ANGPT1: variants seen among roughly 807,000 people sequenced by gnomAD.
ANGPT1 encodes the protein angiopoietin-1.
In ANGPT1, 17 loss-of-function variants were observed where a neutral mutation model predicts 62.2. That is an observed-to-expected ratio of 0.27 (90% CI 0.19 to 0.41). The LOEUF is 0.41. ANGPT1 is among the 10% of genes least tolerant of loss of function. The pLI, the probability that ANGPT1 is intolerant of heterozygous loss-of-function variation, is 1.00. For missense variants in ANGPT1, 478 were observed against 594.9 expected, an observed-to-expected ratio of 0.80 and a Z score of 2.04; for synonymous variants, 199 against 198.9, an observed-to-expected ratio of 1.00 and a Z score of 0.00.
intron 2 of ANGPT1, among the ~76,000 whole-genome samples, chr8:107,344,691 G>A (rs576042758): frequency 2.0e-3 from 297 of 152,278 alleles, no homozygotes; most frequent in Non-Finnish European, 3.1e-3. Flanking sequence ...ATTGTCATGA[G>A]TTCCTGAAAT....
At chr8:107,431,707 A>C (rs1586316989) in intron 1 of ANGPT1, among the ~76,000 whole-genome samples, 1 of 146,716 alleles carries the variant, frequency 6.8e-6, no homozygotes, top group African/African-American at 2.5e-5. Context: ...CTACCTTCCT[A>C]CCAGATTTTC....
intron 8 of ANGPT1, among the ~76,000 whole-genome samples, chr8:107,252,486 C>T (rs968902149): frequency 6.6e-6 from 1 of 152,174 alleles, no homozygotes; most frequent in African/African-American, 2.4e-5. Context: ...GAAAGATATT[C>T]TCCATCTACT....
chr8:107,258,472 A>G (rs1813420272), intron 8 of ANGPT1, among the ~76,000 whole-genome samples: 1 of 152,206 alleles, frequency 6.6e-6, no homozygotes, highest in Admixed American at 6.5e-5. Flanking sequence ...ACTGAGTACA[A>G]TACAAAATTA....
intron 4 of ANGPT1, among the ~76,000 whole-genome samples, chr8:107,319,820 AG>A (rs1386595509): frequency 1.3e-5 from 2 of 152,114 alleles, no homozygotes; most frequent in Non-Finnish European, 2.9e-5. Flanking sequence ...GAGTTCTAAA[AG>A]TAACTAAATA....
chr8:107,370,596 A>G (rs900386143), intron 1 of ANGPT1, among the ~76,000 whole-genome samples: 1 of 150,120 alleles, frequency 6.7e-6, no homozygotes, highest in Non-Finnish European at 1.5e-5. Context: ...CCAGCTACTC[A>G]GGAGGCTGAG....
At chr8:107,400,071 A>T (rs1817015350) in intron 1 of ANGPT1, among the ~76,000 whole-genome samples, 2 of 152,198 alleles carry the variant, frequency 1.3e-5, no homozygotes, top group Admixed American at 1.3e-4. Context: ...ATTAAATACA[A>T]ACCAATTCTG....
chr8:107,461,434 T>C (rs1812068828), intron 1 of ANGPT1, among the ~76,000 whole-genome samples: 2 of 152,200 alleles, frequency 1.3e-5, no homozygotes. Flanking sequence ...GATTCGGTCC[T>C]ATCACATTTT....
intron 1 of ANGPT1, among the ~76,000 whole-genome samples, chr8:107,463,715 T>C (rs1490569618): frequency 6.6e-6 from 1 of 152,144 alleles, no homozygotes; most frequent in Non-Finnish European, 1.5e-5. Flanking sequence ...TCAATTCCCA[T>C]GTACAGCTGC....
intron 1 of ANGPT1, among the ~76,000 whole-genome samples, chr8:107,449,570 AGAAG>A (rs1272631344): frequency 3.3e-5 from 5 of 152,098 alleles, no homozygotes; most frequent in Non-Finnish European, 7.4e-5. Context: ...AAAATTGCAT[AGAAG>A]GAAGTATTTT....
intron 1 of ANGPT1, among the ~76,000 whole-genome samples, chr8:107,436,482 T>C (rs539579971): frequency 1.3e-5 from 2 of 152,342 alleles, no homozygotes; most frequent in African/African-American, 4.8e-5. Context: ...TCTCACGTTA[T>C]TCAAGCCCTC....
intron 1 of ANGPT1, among the ~76,000 whole-genome samples, chr8:107,477,502 C>A (rs189410500): frequency 2.0e-4 from 30 of 152,204 alleles, no homozygotes; most frequent in African/African-American, 7.2e-4. Context: ...GTTTTCACTA[C>A]GGCAATGTCA....
intron 5 of ANGPT1, 139 bp from the exon 6 acceptor site, chr8:107,294,176 T>G (rs1814353547): frequency 3.8e-6 from 2 of 523,680 alleles, no homozygotes. Flanking sequence ...CAATGTTAAT[T>G]TAGATATATT....
intron 2 of ANGPT1, among the ~76,000 whole-genome samples, chr8:107,343,412 G>A (rs1456446495): frequency 1.3e-5 from 2 of 152,174 alleles, no homozygotes; most frequent in Non-Finnish European, 2.9e-5. Flanking sequence ...CTGATGAAGA[G>A]CCCCTAGCCA....
At chr8:107,441,954 C>T (rs4734971) in intron 1 of ANGPT1, among the ~76,000 whole-genome samples, 10,086 of 152,018 alleles carry the variant, frequency 0.066, 446 homozygotes, top group African/African-American at 0.11. Context: ...GGTAGTGGCG[C>T]GCATCTGTAA....
At chr8:107,385,676 G>A (rs1816718571) in intron 1 of ANGPT1, among the ~76,000 whole-genome samples, 1 of 151,954 alleles carries the variant, frequency 6.6e-6, no homozygotes, top group South Asian at 2.1e-4. Flanking sequence ...TGCTGAATAG[G>A]GATGGTGAAG....
intron 7 of ANGPT1, among the ~76,000 whole-genome samples, chr8:107,275,311 A>AC (rs1813838392): frequency 6.6e-6 from 1 of 152,030 alleles, no homozygotes; most frequent in African/African-American, 2.4e-5. Context: ...GCTCATTATT[A>AC]CCCCCTTACG....
rs1811496311 is a variant in ANGPT1, at chr8:107,442,111, C to T, written c.297+55151G>A. 2.0e-5 allele frequency among the ~76,000 whole-genome samples: 3 copies of T among 152,184 alleles called. No homozygotes were observed. The East Asian group carries it at 5.8e-4, about 29-fold the overall frequency. On this transcript the variant is annotated intron_variant, in intron 1 of 8. Transcript: ENST00000517746. ...AAAAAAAGCTGGGGGAGTCCCATCACCTCGTAGATCCAGAGGTCATGTTTT... is the reference window on the plus strand; with the variant it reads ...AAAAAAAGCTGGGGGAGTCCCATCATCTCGTAGATCCAGAGGTCATGTTTT...
chr8:107,343,549 G>A (rs1815740532), intron 2 of ANGPT1, among the ~76,000 whole-genome samples: 1 of 152,218 alleles, frequency 6.6e-6, no homozygotes, highest in Non-Finnish European at 1.5e-5. Context: ...TCAGAGCACA[G>A]CCATTGGTGA....
intron 1 of ANGPT1, among the ~76,000 whole-genome samples, chr8:107,418,398 G>A (rs1232410266): frequency 6.6e-6 from 1 of 152,136 alleles, no homozygotes; most frequent in Non-Finnish European, 1.5e-5. Flanking sequence ...GGGCACATGA[G>A]TGTCTGTGTT....
Sources: allele counts gnomAD v4.1 joint callset (sites outside exome capture counted in the v4.1 genomes callset), GRCh38; gene constraint gnomAD v4.1.1; transcripts MANE v1.5; gene names NCBI Gene and HGNC (gene_info 2026-07-23, HGNC 2026-07-21).